SCAP: variants seen among roughly 807,000 people sequenced by gnomAD.
The protein encoded by SCAP is SREBF chaperone, also known as sterol regulatory element-binding protein cleavage-activating protein.
In SCAP, 65 loss-of-function variants were observed where a neutral mutation model predicts 123.6. That is an observed-to-expected ratio of 0.53 (90% CI 0.43 to 0.65). The LOEUF (loss-of-function observed/expected upper bound fraction) is 0.65, where lower values mean the gene tolerates loss of function less well. Ranked by LOEUF, SCAP falls within the 30% of genes least tolerant of loss-of-function variation. The pLI, the probability that SCAP is intolerant of heterozygous loss-of-function variation, is 0.00. For synonymous variants in SCAP, 740 were observed against 726.3 expected (o/e 1.02, Z -0.30); for missense variants, 1,398 against 1,712.5 (o/e 0.82, Z 3.24).
At chr3:47,473,484 AT>A (rs766827344) in intron 1 of SCAP, among the ~76,000 whole-genome samples, 9 of 152,182 alleles carry the variant, frequency 5.9e-5, no homozygotes, top group Non-Finnish European at 1.0e-4. Context: ...TTGAAGGATG[AT>A]CCACCCTTGA....
At chr3:47,441,798 CT>C (rs1706814435) in intron 2 of SCAP, among the ~76,000 whole-genome samples, 2 of 151,278 alleles carry the variant, frequency 1.3e-5, no homozygotes, top group African/African-American at 4.9e-5. Context: ...GGAAACATAA[CT>C]GGACCACTTC....
chr3:47,425,239 C>T (rs1706073389), intron 8 of SCAP: 1 of 482,712 alleles, frequency 2.1e-6, no homozygotes, highest in African/African-American at 1.9e-5. Context: ...ATATACACAC[C>T]CAGCCCACAA....
intron 10 of SCAP, among the ~76,000 whole-genome samples, 183 bp downstream of exon 10, chr3:47,422,259 C>T (rs1031964719): frequency 6.6e-6 from 1 of 152,264 alleles, no homozygotes; most frequent in Non-Finnish European, 1.5e-5. Flanking sequence ...CTGAGCACTT[C>T]TGAGCCAGGC....
rs1705722733 is a variant in SCAP, at chr3:47,418,243, C to T, written c.2338G>A (p.Glu780Lys). 5.8e-6 allele frequency: 9 copies of T among 1,564,566 alleles called. No homozygotes were observed. The highest frequency in any genetic ancestry group is 7.8e-6 in the Non-Finnish European group (9 of 1,155,008). ...AGCATGCCGTCGCTGGCCAGGCACT[C>T]GATGTCCTGCAGAAGCCCGGTGTTG... is the stretch of plus-strand genomic sequence containing the variant. ...LVLRGHLMDI[E>K]CLASDGMLLV... Residue 780 changes from glutamate to lysine, a missense_variant, in exon 16 of 23, where the codon GAG (glutamate) becomes AAG (lysine). Coordinates refer to ENST00000265565, the MANE Select transcript of SCAP (RefSeq NM_012235.4).
At chr3:47,431,726 A>G (rs753592633) in intron 3 of SCAP, among the ~76,000 whole-genome samples, 20 of 152,152 alleles carry the variant, frequency 1.3e-4, no homozygotes, top group Non-Finnish European at 1.9e-4. Flanking sequence ...CAATCAATCA[A>G]TGTGATTTAT....
At chr3:47,474,202 G>A (rs2108044059) in intron 1 of SCAP, among the ~76,000 whole-genome samples, 1 of 151,182 alleles carries the variant, frequency 6.6e-6, no homozygotes, top group Non-Finnish European at 1.5e-5. Context: ...CAGGCGGAGG[G>A]TGCAGTGAGC....
chr3:47,427,456 T>C lies in SCAP; in HGVS notation c.622A>G (p.Thr208Ala), dbSNP rs146196919. 3 of 1,614,066 alleles carry C rather than the reference T, an allele frequency of 1.9e-6. No homozygotes were observed. The highest frequency in any genetic ancestry group is 2.7e-5 in the African/African-American group (2 of 74,930). ...HEPKTLQTSA[T>A]LKDLLFGVPG... ...CTTGTACTGGGGCTACCTTTGAGTG[T>C]GGCTGAAGTCTGCAGGGTTTTAGGC... The change falls in exon 5 of 23, where the codon ACA (threonine) becomes GCA (alanine). Residue 208 changes from threonine to alanine, a missense_variant. Coordinates refer to ENST00000265565, the MANE Select transcript of SCAP (RefSeq NM_012235.4).
intron 3 of SCAP, among the ~76,000 whole-genome samples, chr3:47,430,492 G>A (rs1282601226): frequency 6.6e-6 from 1 of 152,222 alleles, no homozygotes; most frequent in Non-Finnish European, 1.5e-5. Context: ...GAGCAGGAGG[G>A]AATGTGAGTT....
chr3:47,426,533 GT>G (rs1191180150), intron 6 of SCAP, among the ~76,000 whole-genome samples: 1 of 152,146 alleles, frequency 6.6e-6, no homozygotes, highest in Non-Finnish European at 1.5e-5. Context: ...CGCCTCCTGG[GT>G]TCACACCATC....
intron 1 of SCAP, among the ~76,000 whole-genome samples, chr3:47,453,872 C>T (rs1410449372): frequency 6.6e-6 from 1 of 152,130 alleles, no homozygotes; most frequent in Non-Finnish European, 1.5e-5. Flanking sequence ...TTTCCCACCT[C>T]TAATTTTCTC....
chr3:47,434,033 T>C (rs987644146), intron 3 of SCAP, among the ~76,000 whole-genome samples: 2 of 152,218 alleles, frequency 1.3e-5, no homozygotes, highest in African/African-American at 4.8e-5. Context: ...TTGACCTTCA[T>C]AGGCAGAGCC....
chr3:47,421,766 TGGCCTGCC>T (rs1705910947), intron 10 of SCAP, among the ~76,000 whole-genome samples: 1 of 152,236 alleles, frequency 6.6e-6, no homozygotes, highest in Non-Finnish European at 1.5e-5. Flanking sequence ...ATCCCTCAGC[TGGCCTGCC>T]AGCCCTGGGG....
intron 1 of SCAP, among the ~76,000 whole-genome samples, chr3:47,451,499 T>G (rs1707231956): frequency 9.0e-6 from 1 of 110,652 alleles, no homozygotes. Context: ...CCAGGCTCAA[T>G]CAATTCTCCC....
chr3:47,427,169 T>TG lies in SCAP; in HGVS notation c.724dup (p.His242ProfsTer43). On this transcript the variant is annotated frameshift_variant, in exon 6 of 23. Transcript: ENST00000265565. LOFTEE classifies it high-confidence loss of function. Reference sequence around the variant, plus strand: ...CTGTCAATCTTACTTGGCATGGTAGTGCTGGAAGACCAGGGTGATGGTGTA... The same window carrying TG: ...CTGTCAATCTTACTTGGCATGGTAGTGGCTGGAAGACCAGGGTGATGGTGTA... 6.2e-7 allele frequency: 1 copy of TG among 1,613,340 alleles called. No homozygotes were observed. Among genetic ancestry groups the TG allele is most frequent in the Non-Finnish European group, 8.5e-7 (1 of 1,179,366 alleles).
At chr3:47,423,643 C>T (rs1027230835) in intron 9 of SCAP, among the ~76,000 whole-genome samples, 5 of 152,338 alleles carry the variant, frequency 3.3e-5, no homozygotes, top group South Asian at 4.1e-4. Context: ...ATCCACCTGC[C>T]TCAGCCTCCC....
chr3:47,413,813 A>G lies in SCAP; in HGVS notation c.*41T>C. ...CCAGGTTCAGTGCATTGGCCCCCAC[A>G]CAGCACCCCAGCCTCCTGCCTGGGC... On this transcript the variant is annotated 3_prime_UTR_variant, in exon 23 of 23. Coordinates refer to ENST00000265565, the MANE Select transcript of SCAP (RefSeq NM_012235.4). The G allele has an allele frequency of 6.3e-7, 1 of 1,593,788 alleles. No individual in the cohort carries two copies. Among genetic ancestry groups the G allele is most frequent in the Non-Finnish European group, 8.5e-7 (1 of 1,170,088 alleles).
At chr3:47,473,879 G>C (rs1465855908) in intron 1 of SCAP, among the ~76,000 whole-genome samples, 1 of 152,142 alleles carries the variant, frequency 6.6e-6, no homozygotes, top group Non-Finnish European at 1.5e-5. Context: ...GACAGTGACT[G>C]AGGGAACGGG....
chr3:47,437,531 A>T (rs907405828), intron 2 of SCAP, among the ~76,000 whole-genome samples: 2 of 151,370 alleles, frequency 1.3e-5, no homozygotes, highest in Admixed American at 1.3e-4. Context: ...TCTTGAGCCC[A>T]GGAGTTTGAG....
At chr3:47,429,492 G>A (rs1205931544) in intron 3 of SCAP, among the ~76,000 whole-genome samples, 4 of 152,226 alleles carry the variant, frequency 2.6e-5, no homozygotes, top group Non-Finnish European at 5.9e-5. Context: ...GACTAGAGGT[G>A]TGTGCACCAC....
Sources: gnomAD v4.1 joint callset for allele counts (sites outside exome capture counted in the v4.1 genomes callset) on GRCh38, gnomAD v4.1.1 for gene constraint, MANE v1.5 for transcripts, NCBI Gene and HGNC (gene_info 2026-07-23, HGNC 2026-07-21) for gene names.